The following PTCHD1 variants were observed in gnomAD, a reference collection of about 807,000 sequenced individuals.
PTCHD1 encodes the protein patched domain containing 1.
PTCHD1 carries 3 observed loss-of-function variants against 34.6 expected under a neutral mutation model. That is an observed-to-expected ratio of 0.09 (90% CI 0.04 to 0.22). The LOEUF is 0.22. PTCHD1 is among the 10% of genes least tolerant of loss of function. PTCHD1 has a pLI of 1.00. For synonymous variants in PTCHD1, 305 were observed against 283.1 expected, an observed-to-expected ratio of 1.08 and a Z score of -0.77; for missense variants, 504 against 685.5, an observed-to-expected ratio of 0.74 and a Z score of 2.96.
rs180964370 is a variant in PTCHD1 at position 23,346,492 on chromosome X, G to C, written c.351+11266G>C. Among the ~76,000 whole-genome samples the C allele has an allele frequency of 3.5e-3, 396 of 112,133 alleles. 2 individuals carry two copies. The highest frequency in any genetic ancestry group is 0.012 in the African/African-American group (373 of 30,866). ...CAATCCGACAGGATTCTTGCTGAAA[G>C]CTGGCCAGGATGATCAGATATCATC... On this transcript the variant is annotated intron_variant, in intron 1 of 2. Transcript: ENST00000379361.
intron 2 of PTCHD1, among the ~76,000 whole-genome samples, chrX:23,381,530 G>A (rs2146643321): frequency 8.9e-6 from 1 of 112,334 alleles, no homozygotes; most frequent in South Asian, 3.8e-4. Flanking sequence ...TTAGAGTAGT[G>A]GAAGAGAATT....
chrX:23,365,885 T>C (rs1922127105), intron 1 of PTCHD1, among the ~76,000 whole-genome samples: 1 of 112,397 alleles, frequency 8.9e-6, no homozygotes, highest in African/African-American at 3.2e-5. Context: ...GGCCAGGAAC[T>C]TCTCTGCTTG....
At chrX:23,337,300 G>A (rs894887667) in intron 1 of PTCHD1, among the ~76,000 whole-genome samples, 1 of 112,174 alleles carries the variant, frequency 8.9e-6, no homozygotes, top group Non-Finnish European at 1.9e-5. Flanking sequence ...GCAGTGGTCC[G>A]AACTTATTTC....
At chrX:23,379,477 G>A (rs892590156) in intron 1 of PTCHD1, 114 bp from the exon 2 acceptor site, 17 of 799,219 alleles carry the variant, frequency 2.1e-5, no homozygotes, top group Non-Finnish European at 2.9e-5. Context: ...TTCTGATCTA[G>A]GTTTATAACA....
At chrX:23,349,093 G>GT (rs1357967908) in intron 1 of PTCHD1, among the ~76,000 whole-genome samples, 5 of 111,313 alleles carry the variant, frequency 4.5e-5, no homozygotes, top group Admixed American at 9.5e-5. Context: ...CTTAAATTAG[G>GT]TATAAATGTG....
chrX:23,373,132 T>TA (rs775675997), intron 1 of PTCHD1, among the ~76,000 whole-genome samples: 1 of 112,896 alleles, frequency 8.9e-6, no homozygotes, highest in South Asian at 3.7e-4. Flanking sequence ...TTTTTGTTTC[T>TA]AAAATCTCAG....
At chrX:23,340,552 C>A (rs948037859) in intron 1 of PTCHD1, among the ~76,000 whole-genome samples, 1 of 112,364 alleles carries the variant, frequency 8.9e-6, no homozygotes, top group African/African-American at 3.2e-5. Context: ...GTGTGTAAGA[C>A]CCCACTGTGA....
intron 1 of PTCHD1, among the ~76,000 whole-genome samples, chrX:23,339,960 G>A (rs1194132339): frequency 9.0e-6 from 1 of 111,718 alleles, no homozygotes; most frequent in Non-Finnish European, 1.9e-5. Flanking sequence ...TTCTCAACCG[G>A]GGCTGACTGT....
intron 1 of PTCHD1, among the ~76,000 whole-genome samples, chrX:23,357,906 ACT>A (rs1272068274): frequency 2.7e-5 from 3 of 110,731 alleles, no homozygotes; most frequent in African/African-American, 9.9e-5. Flanking sequence ...GAGAACATGC[ACT>A]GTTTGGTTTT....
rs751473096 is a variant in PTCHD1 at position 23,398,432 on chromosome X, G to C, written c.*4247G>C. ...GTCCTGGATGTTGGCATCATACTATGATCTTTGAAAAAAACAGATACAGGC... is the reference window on the plus strand; with the variant it reads ...GTCCTGGATGTTGGCATCATACTATCATCTTTGAAAAAAACAGATACAGGC... On this transcript the variant is annotated 3_prime_UTR_variant, in exon 3 of 3. Transcript: ENST00000379361. The C allele has an allele frequency of 9.0e-6, 1 of 111,049 alleles. No individual in the cohort carries two copies. The highest frequency in any genetic ancestry group is 3.3e-5 in the African/African-American group (1 of 30,561). 9.2% of individuals were successfully genotyped at this position (111,049 alleles called of 1,213,427 possible).
chrX:23,377,305 C>A (rs1046039604), intron 1 of PTCHD1, among the ~76,000 whole-genome samples: 1 of 112,286 alleles, frequency 8.9e-6, no homozygotes, highest in Non-Finnish European at 1.9e-5. Context: ...AATCTTTTCC[C>A]AAAGTCTTTC....
At chrX:23,351,399 G>C (rs889342024) in intron 1 of PTCHD1, 1 of 631,790 alleles carries the variant, frequency 1.6e-6, no homozygotes. Context: ...TTCTGAAATG[G>C]TACGAAAACT....
At chrX:23,356,240 G>A (rs953345512) in intron 1 of PTCHD1, among the ~76,000 whole-genome samples, 6 of 112,231 alleles carry the variant, frequency 5.3e-5, no homozygotes, top group Non-Finnish European at 9.4e-5. Flanking sequence ...CACATGCACT[G>A]TGCTGGGAGC....
chrX:23,394,123 G>C lies in PTCHD1; in HGVS notation c.2605G>C (p.Glu869Gln). The change falls in exon 3 of 3, where the codon GAG (glutamate) becomes CAG (glutamine). Residue 869 changes from glutamate (E) to glutamine (Q), a missense_variant. By Grantham distance (29) the Glu-to-Gln change is conservative (BLOSUM62 2). Coordinates refer to ENST00000379361, the MANE Select transcript of PTCHD1 (RefSeq NM_173495.3). ...KKNPENREEI[E>Q]CVEMVDIDST... ...AAATCCTGAGAACCGGGAGGAAATT[G>C]AGTGTGTAGAAATGGTAGATATCGA... 1 of 1,210,237 alleles carries C rather than the reference G, an allele frequency of 8.3e-7. No individual in the cohort carries two copies.
At chrX:23,348,967 T>C (rs1921553438) in intron 1 of PTCHD1, among the ~76,000 whole-genome samples, 1 of 112,043 alleles carries the variant, frequency 8.9e-6, no homozygotes, top group African/African-American at 3.2e-5. Context: ...TATTGGATGA[T>C]TATAACATGG....
chrX:23,369,394 A>G (rs1216278176), intron 1 of PTCHD1, among the ~76,000 whole-genome samples: 1 of 111,567 alleles, frequency 9.0e-6, no homozygotes, highest in Non-Finnish European at 1.9e-5. Context: ...TCAATATCCA[A>G]ATGTCCAAAG....
intron 1 of PTCHD1, among the ~76,000 whole-genome samples, chrX:23,342,030 A>C (rs1027964903): frequency 4.6e-5 from 5 of 109,011 alleles, no homozygotes; most frequent in Non-Finnish European, 7.6e-5. Flanking sequence ...TGGGGAAGTA[A>C]AACAGTGAGT....
intron 1 of PTCHD1, among the ~76,000 whole-genome samples, chrX:23,370,671 G>C (rs1222983440): frequency 1.8e-5 from 2 of 111,690 alleles, no homozygotes; most frequent in Non-Finnish European, 3.8e-5. Context: ...TTGTTCTCAA[G>C]TTCAGTGCCC....
intron 1 of PTCHD1, among the ~76,000 whole-genome samples, chrX:23,354,454 A>AG (rs1921740754): frequency 9.9e-6 from 1 of 100,601 alleles, no homozygotes; most frequent in East Asian, 3.5e-4. Context: ...GAGAGAGAGA[A>AG]ACACACAACT....
Sources: allele counts gnomAD v4.1 joint callset (sites outside exome capture counted in the v4.1 genomes callset), GRCh38; gene constraint gnomAD v4.1.1; transcripts MANE v1.5; gene names NCBI Gene and HGNC (gene_info 2026-07-23, HGNC 2026-07-21).